Variants in ANP32B observed in about 807,000 individuals in gnomAD.
The protein encoded by ANP32B is acidic leucine-rich nuclear phosphoprotein 32 family member B.
A neutral mutation model predicts 32.2 loss-of-function variants in ANP32B; 6 were observed. The observed-to-expected ratio is 0.19, with a 90% CI of 0.10 to 0.37. ANP32B has a LOEUF of 0.37. Ranked by LOEUF, ANP32B falls within the 10% of genes least tolerant of loss-of-function variation. The probability of loss-of-function intolerance (pLI) is 1.00; values close to 1 mark genes in which losing one functional copy is unlikely to be tolerated. For missense variants in ANP32B, 204 were observed against 289.2 expected (o/e 0.71, Z 2.14); for synonymous variants, 98 against 105.8 (o/e 0.93, Z 0.45).
At chr9:98,003,280 C>T (rs1366881787) in intron 3 of ANP32B, among the ~76,000 whole-genome samples, 1 of 152,140 alleles carries the variant, frequency 6.6e-6, no homozygotes, top group Non-Finnish European at 1.5e-5. Context: ...TGTGTGTTCC[C>T]TGCATGAATA....
intron 1 of ANP32B, among the ~76,000 whole-genome samples, chr9:97,986,055 G>T (rs879120424): frequency 2.0e-5 from 3 of 152,134 alleles, no homozygotes; most frequent in East Asian, 1.9e-4. Context: ...TCCTGACCTC[G>T]GGTGATCCAC....
chr9:98,005,077 C>T lies in ANP32B; in HGVS notation c.441C>T (p.Gly147=). The T allele has an allele frequency of 6.2e-7, 1 of 1,613,950 alleles. No homozygotes were observed. The highest frequency in any genetic ancestry group is 8.5e-7 in the Non-Finnish European group (1 of 1,179,994). ...KLLPQLTYLD[G]YDREDQEAPD... ...TGCCCCAGCTTACCTACTTGGATGG[C>T]TATGACCGAGAGGACCAGGAAGCAC... Residue 147 remains glycine (G), a synonymous_variant, in exon 4 of 7, where the codon GGC becomes GGT. Transcript: ENST00000339399.
chr9:98,000,178 A>G (rs1255486882), intron 3 of ANP32B, among the ~76,000 whole-genome samples: 1 of 152,156 alleles, frequency 6.6e-6, no homozygotes, highest in East Asian at 1.9e-4. Flanking sequence ...AGGTCTCACT[A>G]TGTTAGGCCA....
rs1402541922 is a variant in ANP32B at position 98,015,551 on chromosome 9, A to G, written c.*120A>G. On this transcript the variant is annotated 3_prime_UTR_variant, in exon 7 of 7. Coordinates refer to ENST00000339399, the MANE Select transcript of ANP32B (RefSeq NM_006401.3). ...GATACAAACCCCAGGACACCCACCC[A>G]CCCAAAGAGCCAAAGAATAGTTCCT... is the stretch of plus-strand genomic sequence containing the variant. 2 of 1,410,602 alleles carry G rather than the reference A, an allele frequency of 1.4e-6. No homozygotes were observed. The highest frequency in any genetic ancestry group is 2.8e-5 in the Admixed American group (1 of 35,430). 87.4% of individuals were successfully genotyped at this position (1,410,602 alleles called of 1,614,324 possible). A position where few individuals can be genotyped will look rare whatever the true frequency, so the allele number is the denominator to read the frequency against.
intron 1 of ANP32B, among the ~76,000 whole-genome samples, chr9:97,987,254 GA>G (rs1827752336): frequency 1.1e-5 from 1 of 88,518 alleles, no homozygotes; most frequent in Non-Finnish European, 3.0e-5. Flanking sequence ...AATGGCCTAA[GA>G]TGGCATTTTA....
intron 6 of ANP32B, among the ~76,000 whole-genome samples, chr9:98,013,026 G>A (rs544630219): frequency 1.3e-5 from 2 of 152,156 alleles, no homozygotes; most frequent in African/African-American, 2.4e-5. Context: ...CACCACACCC[G>A]GCCTGTTGTT....
At chr9:98,008,833 A>G (rs1281077252) in intron 4 of ANP32B, among the ~76,000 whole-genome samples, 1 of 152,228 alleles carries the variant, frequency 6.6e-6, no homozygotes, top group African/African-American at 2.4e-5. Context: ...ATGTAATAAT[A>G]GAAATAAAGT....
At chr9:97,990,883 A>G (rs1333699934) in intron 1 of ANP32B, among the ~76,000 whole-genome samples, 1 of 140,180 alleles carries the variant, frequency 7.1e-6, no homozygotes, top group Non-Finnish European at 1.5e-5. Context: ...GCGGTGGCGC[A>G]ATCTTGGCTC....
At chr9:97,985,628 C>A (rs1006807083) in intron 1 of ANP32B, among the ~76,000 whole-genome samples, 1 of 152,192 alleles carries the variant, frequency 6.6e-6, no homozygotes, top group Non-Finnish European at 1.5e-5. Context: ...CGTGGGTCTT[C>A]AGAAATGCGT....
At chr9:97,986,054 C>T (rs1327725533) in intron 1 of ANP32B, among the ~76,000 whole-genome samples, 1 of 152,100 alleles carries the variant, frequency 6.6e-6, no homozygotes, top group African/African-American at 2.4e-5. Flanking sequence ...CTCCTGACCT[C>T]GGGTGATCCA....
chr9:97,995,353 T>C (rs995688438), intron 2 of ANP32B, among the ~76,000 whole-genome samples: 4 of 152,196 alleles, frequency 2.6e-5, no homozygotes, highest in Admixed American at 6.5e-5. Flanking sequence ...CTAGAACCCG[T>C]ATCTCCTAAC....
In ANP32B at chr9:98,015,817, CTG is replaced by C. The variant is rs1274396863; in HGVS notation, c.*388_*389del. 20 of 981,462 alleles carry C rather than the reference CTG, an allele frequency of 2.0e-5. No individual in the cohort carries two copies. Among genetic ancestry groups the C allele is most frequent in the African/African-American group, 3.5e-5 (2 of 56,988 alleles). The allele number at this position is 981,462 out of a possible 1,614,324, so 60.8% of individuals were successfully genotyped here. A position where few individuals can be genotyped will look rare whatever the true frequency, so the allele number is the denominator to read the frequency against. On this transcript the variant is annotated 3_prime_UTR_variant, in exon 7 of 7. Transcript: ENST00000339399. ...TAAATAAAATCTTAACATTTTGGGT[CTG>C]TTTTTTCATGCTTTGCTTTTTAATT...
At chr9:97,989,933 C>T (rs908583887) in intron 1 of ANP32B, among the ~76,000 whole-genome samples, 11 of 152,146 alleles carry the variant, frequency 7.2e-5, no homozygotes, top group African/African-American at 2.4e-4. Context: ...ATGTCACAAA[C>T]GAGGGCTGAC....
At chr9:97,990,772 T>C (rs1315858365) in intron 1 of ANP32B, among the ~76,000 whole-genome samples, 1 of 151,196 alleles carries the variant, frequency 6.6e-6, no homozygotes, top group Non-Finnish European at 1.5e-5. Flanking sequence ...AGTAGAATGA[T>C]ACCTCATTTT....
intron 1 of ANP32B, among the ~76,000 whole-genome samples, chr9:97,985,909 C>T (rs1430591973): frequency 6.6e-6 from 1 of 152,210 alleles, no homozygotes; most frequent in Non-Finnish European, 1.5e-5. Context: ...TCAGCCTCCG[C>T]TTACCGGGTT....
intron 1 of ANP32B, among the ~76,000 whole-genome samples, chr9:97,991,431 A>T (rs1010737633): frequency 5.3e-5 from 8 of 152,048 alleles, no homozygotes; most frequent in African/African-American, 9.7e-5. Flanking sequence ...AGTTTTTTTT[A>T]GTGTTGGCTA....
chr9:97,996,645 G>A (rs900500123), intron 2 of ANP32B, among the ~76,000 whole-genome samples: 3 of 152,116 alleles, frequency 2.0e-5, no homozygotes, highest in African/African-American at 7.2e-5. Flanking sequence ...CCAGGTTGGA[G>A]TGCAGTGGTG....
At chr9:97,997,998 C>T (rs1332699041) in intron 2 of ANP32B, among the ~76,000 whole-genome samples, 16 of 152,210 alleles carry the variant, frequency 1.1e-4, no homozygotes, top group Admixed American at 1.0e-3. Flanking sequence ...AGGCTGTTGA[C>T]CTACTCCCTT....
chr9:97,992,436 G>C (rs117794976), intron 1 of ANP32B, among the ~76,000 whole-genome samples: 3 of 152,312 alleles, frequency 2.0e-5, no homozygotes, highest in Non-Finnish European at 4.4e-5. Flanking sequence ...GATACTTTCT[G>C]ATGACGCCTT....
Sources: gnomAD v4.1 joint callset for allele counts (sites outside exome capture counted in the v4.1 genomes callset) on GRCh38, gnomAD v4.1.1 for gene constraint, MANE v1.5 for transcripts, NCBI Gene and HGNC (gene_info 2026-07-23, HGNC 2026-07-21) for gene names.